Variants in RTN1 observed in about 807,000 individuals in gnomAD.
RTN1 encodes reticulon 1, also known as reticulon-1.
In RTN1, 25 loss-of-function variants were observed where a neutral mutation model predicts 65.5. That is an observed-to-expected ratio of 0.38 (90% CI 0.28 to 0.53). The LOEUF (loss-of-function observed/expected upper bound fraction) is 0.53. Among genes scored for constraint, RTN1 ranks in the 20% least tolerant of loss-of-function variants. The pLI, the probability that RTN1 is intolerant of heterozygous loss-of-function variation, is 0.79. For missense variants in RTN1, 983 were observed against 1,025.4 expected (o/e 0.96, Z 0.57); for synonymous variants, 471 against 447.6 (o/e 1.05, Z -0.66).
intron 1 of RTN1, among the ~76,000 whole-genome samples, chr14:59,856,384 G>A (rs548550979): frequency 1.3e-4 from 20 of 152,196 alleles, no homozygotes; most frequent in Non-Finnish European, 2.1e-4. Flanking sequence ...GCTAGCTTTC[G>A]CTGTGCTGCC....
At chr14:59,600,171 T>G (rs1382243929) in intron 8 of RTN1, among the ~76,000 whole-genome samples, 2 of 152,120 alleles carry the variant, frequency 1.3e-5, no homozygotes, top group Non-Finnish European at 1.5e-5. Context: ...TCACTCAGTA[T>G]GGAGGAGAGA....
intron 3 of RTN1, among the ~76,000 whole-genome samples, chr14:59,717,558 C>T (rs1790683294): frequency 6.6e-6 from 1 of 152,146 alleles, no homozygotes; most frequent in Non-Finnish European, 1.5e-5. Context: ...GAATGGTTAG[C>T]TCCTCTGTGT....
At chr14:59,673,773 T>A (rs536222251) in intron 3 of RTN1, among the ~76,000 whole-genome samples, 2 of 152,148 alleles carry the variant, frequency 1.3e-5, no homozygotes, top group Non-Finnish European at 2.9e-5. Context: ...GGCAGCTCTG[T>A]TTTTAGGCTT....
chr14:59,819,509 C>G (rs1037062851), intron 1 of RTN1, among the ~76,000 whole-genome samples: 1 of 148,138 alleles, frequency 6.8e-6, no homozygotes, highest in Non-Finnish European at 1.5e-5. Flanking sequence ...GCCCCCACCC[C>G]CTCAACTCTG....
chr14:59,630,464 T>G, intron 3 of RTN1: 1 of 1,613,826 alleles, frequency 6.2e-7, no homozygotes, highest in East Asian at 2.2e-5. Flanking sequence ...TTCCAGTTGC[T>G]CCACACACAG....
chr14:59,763,531 CTTTTTTTTT>C (rs567181046), intron 1 of RTN1, among the ~76,000 whole-genome samples: 3 of 127,386 alleles, frequency 2.4e-5, no homozygotes, highest in East Asian at 2.3e-4. Context: ...AATTTTCTTT[CTTTTTTTTT>C]TTTTTTTTTT....
At chr14:59,736,487 T>C (rs1183810980) in intron 2 of RTN1, among the ~76,000 whole-genome samples, 1 of 151,802 alleles carries the variant, frequency 6.6e-6, no homozygotes, top group Non-Finnish European at 1.5e-5. Flanking sequence ...AGAAACTGAA[T>C]CCCTAAATAG....
intron 3 of RTN1, chr14:59,630,580 T>A (rs937904512): frequency 1.2e-6 from 2 of 1,600,312 alleles, no homozygotes; most frequent in African/African-American, 1.3e-5. Context: ...GGTGCCCGGC[T>A]GCTGCGGCTG....
chr14:59,619,214 G>A (rs1882190566), intron 3 of RTN1, among the ~76,000 whole-genome samples: 1 of 152,144 alleles, frequency 6.6e-6, no homozygotes, highest in African/African-American at 2.4e-5. Context: ...TTCAAAGCTG[G>A]GTGACTGAGT....
At chr14:59,625,334 A>T (rs1325260880) in intron 3 of RTN1, among the ~76,000 whole-genome samples, 1 of 152,102 alleles carries the variant, frequency 6.6e-6, no homozygotes, top group African/African-American at 2.4e-5. Context: ...ATGAATCTTT[A>T]AAAAAAATGT....
intron 1 of RTN1, among the ~76,000 whole-genome samples, chr14:59,807,278 C>T (rs1169771983): frequency 6.6e-6 from 1 of 151,994 alleles, no homozygotes; most frequent in Non-Finnish European, 1.5e-5. Context: ...GAAAGTTGAC[C>T]CAGGGTCGAA....
rs58738541 is a variant in RTN1 at position 59,706,241 on chromosome 14, G to T, written c.1765+20678C>A. ...ATAACTTGTCATCACCTCTCCCAGAGGCCAGAAGAACCGTGTCCCAGGCTA... is the reference window on the plus strand; with the variant it reads ...ATAACTTGTCATCACCTCTCCCAGATGCCAGAAGAACCGTGTCCCAGGCTA... On this transcript the variant is annotated intron_variant, in intron 3 of 8. Coordinates refer to ENST00000267484, the MANE Select transcript of RTN1 (RefSeq NM_021136.3). Among the ~76,000 whole-genome samples the T allele has an allele frequency of 4.9e-3, 740 of 152,216 alleles. 5 individuals are homozygous for T. The highest frequency in any genetic ancestry group is 0.017 in the African/African-American group (713 of 41,500).
intron 1 of RTN1, among the ~76,000 whole-genome samples, chr14:59,764,883 T>C (rs1421603732): frequency 2.0e-5 from 3 of 152,172 alleles, no homozygotes; most frequent in Admixed American, 2.0e-4. Flanking sequence ...TAACAGTCAG[T>C]ATTCCATGAA....
chr14:59,750,175 AAT>A (rs1399866865), intron 1 of RTN1, among the ~76,000 whole-genome samples: 3 of 71,632 alleles, frequency 4.2e-5, no homozygotes, highest in Non-Finnish European at 6.7e-5. Context: ...TTATATCTAT[AAT>A]ATATAATACA....
chr14:59,677,029 C>T (rs974229791), intron 3 of RTN1, among the ~76,000 whole-genome samples: 1 of 152,206 alleles, frequency 6.6e-6, no homozygotes, highest in Non-Finnish European at 1.5e-5. Context: ...TCTCCATGTG[C>T]GCCCTGCTCC....
At chr14:59,688,995 G>A (rs148924511) in intron 3 of RTN1, among the ~76,000 whole-genome samples, 173 of 152,058 alleles carry the variant, frequency 1.1e-3, no homozygotes, top group African/African-American at 4.0e-3. Context: ...GAAATGACAC[G>A]TAAAGAATTA....
intron 2 of RTN1, among the ~76,000 whole-genome samples, 186 bp downstream of exon 2, chr14:59,745,522 C>A (rs1435867745): frequency 6.6e-6 from 1 of 152,050 alleles, no homozygotes; most frequent in East Asian, 1.9e-4. Context: ...AGATTGCAAC[C>A]TTTGTACAAT....
At chr14:59,685,273 C>T (rs1461296984) in intron 3 of RTN1, among the ~76,000 whole-genome samples, 3 of 152,122 alleles carry the variant, frequency 2.0e-5, no homozygotes, top group African/African-American at 4.8e-5. Flanking sequence ...AAGATGACCA[C>T]TCTTGTCACT....
chr14:59,602,131 T>A (rs1395489046), intron 8 of RTN1, among the ~76,000 whole-genome samples: 1 of 152,088 alleles, frequency 6.6e-6, no homozygotes, highest in Non-Finnish European at 1.5e-5. Flanking sequence ...TCACATATAA[T>A]CTAAGAGCAG....
Sources: gnomAD v4.1 joint callset for allele counts (sites outside exome capture counted in the v4.1 genomes callset) on GRCh38, gnomAD v4.1.1 for gene constraint, MANE v1.5 for transcripts, NCBI Gene and HGNC (gene_info 2026-07-23, HGNC 2026-07-21) for gene names.